TMC1: variants seen among roughly 807,000 people sequenced by gnomAD.
The protein encoded by TMC1 is transmembrane channel-like protein 1.
Under a neutral mutation model 105.8 loss-of-function variants are expected in TMC1, and 84 were observed. That is an observed-to-expected ratio of 0.79 (90% CI 0.67 to 0.95). The LOEUF (loss-of-function observed/expected upper bound fraction) is 0.95, where lower values mean the gene tolerates loss of function less well. Ranked by LOEUF, TMC1 falls within the 40% of genes least tolerant of loss-of-function variation. The probability of loss-of-function intolerance (pLI) is 0.00; values close to 1 mark genes in which losing one functional copy is unlikely to be tolerated. For missense variants in TMC1, 817 were observed against 914.1 expected (o/e 0.89, Z 1.37); for synonymous variants, 315 against 311.5 (o/e 1.01, Z -0.12).
intron 23 of TMC1, among the ~76,000 whole-genome samples, chr9:72,832,282 C>G (rs1564584983): frequency 6.6e-6 from 1 of 152,050 alleles, no homozygotes; most frequent in African/African-American, 2.4e-5. Context: ...AAGTTTAGAA[C>G]AGAGTCAGGT....
In TMC1 at chr9:72,666,105, A is replaced by C. The variant is rs146064387; in HGVS notation, c.16+17441A>C. Among the ~76,000 whole-genome samples, 204 of 152,352 alleles carry C rather than the reference A, an allele frequency of 1.3e-3. 1 individual carries two copies. Among genetic ancestry groups the C allele is most frequent in the African/African-American group, 4.7e-3 (195 of 41,582 alleles). ...TCAGAAATTTTGAAAGGAAAGGTTT[A>C]TAATAGTTAGATTTAAAACATACTT... On this transcript the variant is annotated intron_variant, in intron 5 of 23. Transcript: ENST00000297784.
chr9:72,642,092 C>A (rs896156257), intron 4 of TMC1, among the ~76,000 whole-genome samples: 5 of 151,942 alleles, frequency 3.3e-5, no homozygotes, highest in African/African-American at 1.2e-4. Flanking sequence ...GCTGGGATTA[C>A]AGGAGTGAGC....
intron 1 of TMC1, among the ~76,000 whole-genome samples, chr9:72,550,439 G>A (rs2132071450): frequency 6.6e-6 from 1 of 151,118 alleles, no homozygotes; most frequent in East Asian, 2.0e-4. Context: ...CTGCACTCTA[G>A]CCTAGGTGAC....
chr9:72,727,649 C>T (rs1005510199), intron 8 of TMC1, among the ~76,000 whole-genome samples: 1 of 152,082 alleles, frequency 6.6e-6, no homozygotes, highest in Non-Finnish European at 1.5e-5. Flanking sequence ...TGGTTTTAGA[C>T]AGAGTTTCCT....
At chr9:72,800,730 T>C (rs1270217057) in intron 17 of TMC1, among the ~76,000 whole-genome samples, 4 of 151,914 alleles carry the variant, frequency 2.6e-5, no homozygotes, top group Non-Finnish European at 5.9e-5. Context: ...TTCCCCCTTA[T>C]CTTTCACCTT....
At chr9:72,630,856 C>T (rs1825437345) in intron 4 of TMC1, among the ~76,000 whole-genome samples, 1 of 149,900 alleles carries the variant, frequency 6.7e-6, no homozygotes, top group Admixed American at 6.7e-5. Context: ...TATTTTTATA[C>T]ATTTTTCACT....
chr9:72,625,962 T>A (rs1396105130), intron 3 of TMC1, among the ~76,000 whole-genome samples: 1 of 152,162 alleles, frequency 6.6e-6, no homozygotes, highest in Non-Finnish European at 1.5e-5. Flanking sequence ...GTTCTGGATA[T>A]GAGAGGCTGA....
At chr9:72,673,911 A>C (rs1344157378) in intron 5 of TMC1, among the ~76,000 whole-genome samples, 2 of 152,140 alleles carry the variant, frequency 1.3e-5, no homozygotes, top group Non-Finnish European at 2.9e-5. Flanking sequence ...ATATTTCCCA[A>C]CTCTCCCTGA....
chr9:72,705,475 A>T (rs1826722760), intron 8 of TMC1, among the ~76,000 whole-genome samples: 1 of 152,176 alleles, frequency 6.6e-6, no homozygotes, highest in African/African-American at 2.4e-5. Context: ...CAGTTTGGTG[A>T]AATCAAATCA....
chr9:72,770,079 A>G (rs1201835903), intron 12 of TMC1, among the ~76,000 whole-genome samples: 1 of 152,092 alleles, frequency 6.6e-6, no homozygotes, highest in Non-Finnish European at 1.5e-5. Flanking sequence ...TCCCAAGCAT[A>G]TTCTCCTGGG....
chr9:72,588,208 G>T (rs1288195382), intron 2 of TMC1, among the ~76,000 whole-genome samples: 1 of 152,084 alleles, frequency 6.6e-6, no homozygotes, highest in Admixed American at 6.6e-5. Context: ...ATTTAAAGAC[G>T]GCTTCACTCC....
intron 6 of TMC1, among the ~76,000 whole-genome samples, chr9:72,690,076 G>A (rs1826439701): frequency 6.6e-6 from 1 of 151,532 alleles, no homozygotes; most frequent in Non-Finnish European, 1.5e-5. Context: ...TTTTATTATA[G>A]TGATATACTT....
intron 2 of TMC1, among the ~76,000 whole-genome samples, chr9:72,589,770 A>G (rs1824606050): frequency 6.6e-6 from 1 of 152,208 alleles, no homozygotes; most frequent in African/African-American, 2.4e-5. Context: ...AAACCATAAA[A>G]TTTTACAGCC....
intron 19 of TMC1, among the ~76,000 whole-genome samples, chr9:72,817,744 A>G (rs1364216210): frequency 4.6e-5 from 7 of 152,196 alleles, no homozygotes; most frequent in Admixed American, 3.3e-4. Context: ...TTTTGCAACT[A>G]TGTTAGTCCA....
At chr9:72,738,899 C>T (rs1458929376) in intron 8 of TMC1, among the ~76,000 whole-genome samples, 1 of 152,098 alleles carries the variant, frequency 6.6e-6, no homozygotes, top group African/African-American at 2.4e-5. Context: ...AGAGGCTACT[C>T]CATCACTTAA....
At chr9:72,592,733 T>C (rs1824658527) in intron 2 of TMC1, among the ~76,000 whole-genome samples, 1 of 152,222 alleles carries the variant, frequency 6.6e-6, no homozygotes, top group Admixed American at 6.5e-5. Flanking sequence ...TATCAGATGC[T>C]CAATGTCTTA....
intron 23 of TMC1, among the ~76,000 whole-genome samples, chr9:72,834,759 T>C (rs35158933): frequency 0.16 from 23,943 of 152,012 alleles, 1,993 homozygotes; most frequent in African/African-American, 0.19. Flanking sequence ...AGATTAAAGG[T>C]AGTGGGGGTT....
chr9:72,691,084 G>C lies in TMC1; in HGVS notation c.64+2328G>C, dbSNP rs556149352. ...AATTTGGTAATTCTTTCTTTTGCTT[G>C]ATCGAGTCTGCTGTTAGACCTCTGT... On this transcript the variant is annotated intron_variant, in intron 6 of 23. Coordinates refer to ENST00000297784, the MANE Select transcript of TMC1 (RefSeq NM_138691.3). Among the ~76,000 whole-genome samples, 45 of 152,056 alleles carry C rather than the reference G, an allele frequency of 3.0e-4. No homozygotes were observed. The Middle Eastern group carries it at 0.01, about 35-fold the overall frequency.
At chr9:72,637,068 A>G (rs1406088027) in intron 4 of TMC1, among the ~76,000 whole-genome samples, 1 of 151,870 alleles carries the variant, frequency 6.6e-6, no homozygotes, top group African/African-American at 2.4e-5. Context: ...TTTTCAATCA[A>G]CTAATGAGAA....
Sources: gnomAD v4.1 joint callset for allele counts (sites outside exome capture counted in the v4.1 genomes callset) on GRCh38, gnomAD v4.1.1 for gene constraint, MANE v1.5 for transcripts, NCBI Gene and HGNC (gene_info 2026-07-23, HGNC 2026-07-21) for gene names.